Variants in PRR5L observed in about 807,000 individuals in gnomAD.
The protein encoded by PRR5L is proline-rich protein 5-like.
Under a neutral mutation model 36.4 loss-of-function variants are expected in PRR5L, and 21 were observed. The observed-to-expected ratio is 0.58, with a 90% CI of 0.41 to 0.83. PRR5L has a LOEUF of 0.83. PRR5L is among the 40% of genes least tolerant of loss of function. The pLI, the probability that PRR5L is intolerant of heterozygous loss-of-function variation, is 0.00. For missense variants in PRR5L, 381 were observed against 473.3 expected, an observed-to-expected ratio of 0.80 and a Z score of 1.81; for synonymous variants, 188 against 197.0, an observed-to-expected ratio of 0.95 and a Z score of 0.38.
chr11:36,424,586 A>G (rs1421594567), intron 4 of PRR5L, among the ~76,000 whole-genome samples: 2 of 152,238 alleles, frequency 1.3e-5, no homozygotes, highest in Non-Finnish European at 2.9e-5. Flanking sequence ...TTTTTGTTCA[A>G]TATGGAAAGC....
At chr11:36,335,148 G>A (rs1856756429) in intron 1 of PRR5L, among the ~76,000 whole-genome samples, 1 of 151,956 alleles carries the variant, frequency 6.6e-6, no homozygotes, top group East Asian at 1.9e-4. Context: ...GTGCAGTGGT[G>A]CAATGATGGC....
At chr11:36,345,394 A>G (rs1348902637) in intron 1 of PRR5L, among the ~76,000 whole-genome samples, 2 of 152,176 alleles carry the variant, frequency 1.3e-5, no homozygotes, top group Non-Finnish European at 2.9e-5. Context: ...AACCCGCCGT[A>G]GGGAACATGA....
At chr11:36,373,912 CAGACACTATTCT>C (rs1162915760) in intron 1 of PRR5L, among the ~76,000 whole-genome samples, 1 of 152,128 alleles carries the variant, frequency 6.6e-6, no homozygotes, top group African/African-American at 2.4e-5. Context: ...TACTATGTGC[CAGACACTATTCT>C]AGAAACTTGG....
At chr11:36,332,837 C>G (rs1856732902) in intron 1 of PRR5L, among the ~76,000 whole-genome samples, 1 of 152,186 alleles carries the variant, frequency 6.6e-6, no homozygotes, top group Non-Finnish European at 1.5e-5. Flanking sequence ...TTGCTGAGGC[C>G]TCATCAGGAG....
intron 8 of PRR5L, among the ~76,000 whole-genome samples, chr11:36,457,710 C>T (rs1441215890): frequency 6.6e-6 from 1 of 152,146 alleles, no homozygotes; most frequent in African/African-American, 2.4e-5. Context: ...CCCCTTTGCA[C>T]AAACCCCTCC....
At chr11:36,388,527 C>T (rs7112305) in intron 1 of PRR5L, among the ~76,000 whole-genome samples, 3,131 of 152,228 alleles carry the variant, frequency 0.021, 110 homozygotes, top group African/African-American at 0.07. Flanking sequence ...AGCTCCTTGC[C>T]CTAGGGGAAA....
intron 1 of PRR5L, among the ~76,000 whole-genome samples, chr11:36,356,412 G>A (rs1055268865): frequency 6.6e-6 from 1 of 152,118 alleles, no homozygotes; most frequent in Non-Finnish European, 1.5e-5. Context: ...GGCCTCAAGG[G>A]AGTTGAGGGA....
chr11:36,342,091 T>C (rs1340999589), intron 1 of PRR5L, among the ~76,000 whole-genome samples: 1 of 152,124 alleles, frequency 6.6e-6, no homozygotes, highest in Non-Finnish European at 1.5e-5. Context: ...GCAGATCTTT[T>C]TGGGAGGATA....
chr11:36,393,678 A>G (rs768460181), intron 1 of PRR5L, among the ~76,000 whole-genome samples: 3 of 152,184 alleles, frequency 2.0e-5, no homozygotes, highest in Non-Finnish European at 2.9e-5. Flanking sequence ...ATGGTTTCAT[A>G]TAAATTTTAG....
At chr11:36,319,578 G>T (rs1002662925) in intron 1 of PRR5L, among the ~76,000 whole-genome samples, 1 of 152,174 alleles carries the variant, frequency 6.6e-6, no homozygotes, top group Admixed American at 6.5e-5. Flanking sequence ...AATGGGCTTA[G>T]CTGTGTTCCA....
chr11:36,353,792 A>G (rs1856999143), intron 1 of PRR5L, among the ~76,000 whole-genome samples: 1 of 152,108 alleles, frequency 6.6e-6, no homozygotes, highest in South Asian at 2.1e-4. Context: ...TTGCTTGCCC[A>G]CCACTCACCT....
chr11:36,431,464 TA>T (rs398115272), intron 4 of PRR5L, among the ~76,000 whole-genome samples: 9 of 147,736 alleles, frequency 6.1e-5, no homozygotes, highest in East Asian at 2.0e-4. Flanking sequence ...TCTTTTTTTT[TA>T]AAAAAAAATA....
At chr11:36,372,013 G>A (rs1036506787) in intron 1 of PRR5L, among the ~76,000 whole-genome samples, 1 of 152,116 alleles carries the variant, frequency 6.6e-6, no homozygotes, top group East Asian at 1.9e-4. Context: ...AGCCAAGATC[G>A]TGCCACTGCA....
chr11:36,376,692 G>A (rs951135105), intron 1 of PRR5L: 9 of 990,252 alleles, frequency 9.1e-6, no homozygotes, highest in Non-Finnish European at 8.4e-6. Flanking sequence ...TTCACGCCGG[G>A]GACCCCAAGG....
rs1242055637 is a variant in PRR5L, at chr11:36,303,133, C to T, written c.-126+6695C>T. Reference sequence around the variant, plus strand: ...AGTGGAGGGAAGCAGGACTCTTCCTCAAGACAGGAAGACAGCTTAGGAAGC... The same window carrying T: ...AGTGGAGGGAAGCAGGACTCTTCCTTAAGACAGGAAGACAGCTTAGGAAGC... On this transcript the variant is annotated intron_variant, in intron 1 of 8. Transcript: ENST00000530639. Among the ~76,000 whole-genome samples, 4 of 152,106 alleles carry T rather than the reference C, an allele frequency of 2.6e-5. No individual in the cohort carries two copies. The South Asian group carries it at 6.2e-4, about 24-fold the overall frequency.
At chr11:36,317,433 T>C (rs1406484756) in intron 1 of PRR5L, among the ~76,000 whole-genome samples, 1 of 152,184 alleles carries the variant, frequency 6.6e-6, no homozygotes, top group Non-Finnish European at 1.5e-5. Flanking sequence ...ATGCACCAAA[T>C]GGTAGAGATA....
chr11:36,412,122 T>G (rs1281869168), intron 3 of PRR5L, among the ~76,000 whole-genome samples: 1 of 152,130 alleles, frequency 6.6e-6, no homozygotes, highest in Non-Finnish European at 1.5e-5. Flanking sequence ...CCCGGGTCAT[T>G]GCTAACAACA....
At chr11:36,329,655 CCATA>C (rs1159614815) in intron 1 of PRR5L, among the ~76,000 whole-genome samples, 3 of 152,144 alleles carry the variant, frequency 2.0e-5, no homozygotes, top group Non-Finnish European at 2.9e-5. Context: ...TGGTAATTGA[CCATA>C]CAAACTTTTA....
intron 3 of PRR5L, among the ~76,000 whole-genome samples, chr11:36,409,535 C>T (rs1009076736): frequency 3.3e-5 from 5 of 152,158 alleles, no homozygotes; most frequent in African/African-American, 1.2e-4. Flanking sequence ...GGGAAATCCA[C>T]CTCCGATTTT....
Sources: allele counts gnomAD v4.1 joint callset (sites outside exome capture counted in the v4.1 genomes callset), GRCh38; gene constraint gnomAD v4.1.1; transcripts MANE v1.5; gene names NCBI Gene and HGNC (gene_info 2026-07-23, HGNC 2026-07-21).